MTHFD2L: variants seen among roughly 807,000 people sequenced by gnomAD.
MTHFD2L encodes the protein bifunctional methylenetetrahydrofolate dehydrogenase/cyclohydrolase 2, mitochondrial.
A neutral mutation model predicts 34.9 loss-of-function variants in MTHFD2L; 29 were observed. That is an observed-to-expected ratio of 0.83 (90% CI 0.62 to 1.13). The LOEUF is 1.13. Ranked by LOEUF, MTHFD2L falls within the 50% of genes most tolerant of loss-of-function variation. The pLI is 0.00. For synonymous variants in MTHFD2L, 167 were observed against 155.7 expected, an observed-to-expected ratio of 1.07 and a Z score of -0.54; for missense variants, 481 against 446.5, an observed-to-expected ratio of 1.08 and a Z score of -0.70.
chr4:74,204,107 AG>A (rs1490700036), intron 5 of MTHFD2L, among the ~76,000 whole-genome samples: 1 of 152,154 alleles, frequency 6.6e-6, no homozygotes. Flanking sequence ...GCAAGGAAAC[AG>A]GCATTCTGGG....
chr4:74,194,434 A>G (rs923729875), intron 3 of MTHFD2L: 2 of 151,772 alleles, frequency 1.3e-5, no homozygotes, highest in African/African-American at 4.8e-5. Flanking sequence ...GTTTGTTTTT[A>G]GTGACTTTCC....
At chr4:74,138,395 T>G (rs930351790) in intron 1 of MTHFD2L, among the ~76,000 whole-genome samples, 2 of 152,170 alleles carry the variant, frequency 1.3e-5, no homozygotes, top group Non-Finnish European at 2.9e-5. Flanking sequence ...CCTTTTGTCC[T>G]CTGACCTGGG....
rs556643528 is a variant in MTHFD2L at position 74,228,059 on chromosome 4, G to GA, written c.805+2673dup. On this transcript the variant is annotated intron_variant, in intron 6 of 7. Transcript: ENST00000325278. ...AAAAATAGAAATGTTCTTTTTCCCA[G>GA]AAAAAAAATCAGTAAGCTGGTACAG... is the stretch of plus-strand genomic sequence containing the variant. 9.9e-5 allele frequency among the ~76,000 whole-genome samples: 15 copies of GA among 151,920 alleles called. 1 individual carries two copies. The highest frequency in any genetic ancestry group is 1.9e-4 in the African/African-American group (8 of 41,454).
intron 7 of MTHFD2L, among the ~76,000 whole-genome samples, chr4:74,284,595 T>C (rs1432394873): frequency 1.3e-5 from 2 of 152,066 alleles, no homozygotes; most frequent in Admixed American, 1.3e-4. Flanking sequence ...CCCTTTATCA[T>C]ATAAGTAGAT....
intron 3 of MTHFD2L, among the ~76,000 whole-genome samples, chr4:74,187,312 C>T (rs1453355021): frequency 6.6e-6 from 1 of 151,980 alleles, no homozygotes; most frequent in Non-Finnish European, 1.5e-5. Context: ...TGTCAAAGAA[C>T]TGTGGGATAT....
At position 74,288,304 on chromosome 4, in the gene MTHFD2L, A is replaced by G. The variant is rs138799101; in HGVS notation, c.931+6754A>G. ...CTCATTTATGTTCTCTTCTAAGGAA[A>G]AGTGAAAGAGAGAGCCCAGAACAAT... On this transcript the variant is annotated intron_variant, in intron 7 of 7. Transcript: ENST00000325278. 7 of 152,274 alleles carry G rather than the reference A, an allele frequency of 4.6e-5. No individual in the cohort carries two copies. In the East Asian group the frequency reaches 1.4e-3, roughly 29 times the overall value. 9.4% of individuals were successfully genotyped at this position (152,274 alleles called of 1,614,324 possible). A position where few individuals can be genotyped will look rare whatever the true frequency, so the allele number is the denominator to read the frequency against.
intron 6 of MTHFD2L, among the ~76,000 whole-genome samples, chr4:74,257,688 A>G (rs1744199405): frequency 1.3e-5 from 2 of 152,208 alleles, no homozygotes; most frequent in Non-Finnish European, 2.9e-5. Context: ...TGGTTTGGGC[A>G]TTAGTTTTTG....
At chr4:74,230,460 G>C (rs1016561808) in intron 6 of MTHFD2L, among the ~76,000 whole-genome samples, 10 of 151,474 alleles carry the variant, frequency 6.6e-5, no homozygotes, top group African/African-American at 2.4e-4. Context: ...TGTGGTGGTG[G>C]GTGCCTGTAA....
intron 1 of MTHFD2L, 156 bp downstream of exon 1, chr4:74,158,437 G>A (rs1172473284): frequency 4.4e-6 from 2 of 454,940 alleles, no homozygotes; most frequent in Non-Finnish European, 5.9e-6. Context: ...TGGCCTTGCC[G>A]GTCGCGCGGG....
intron 1 of MTHFD2L, among the ~76,000 whole-genome samples, chr4:74,163,845 C>T (rs972280739): frequency 1.3e-5 from 2 of 152,160 alleles, no homozygotes; most frequent in African/African-American, 4.8e-5. Flanking sequence ...GTTAATCATT[C>T]TATTAGGATT....
intron 6 of MTHFD2L, among the ~76,000 whole-genome samples, chr4:74,247,892 T>C (rs1348595290): frequency 5.9e-5 from 9 of 152,214 alleles, no homozygotes; most frequent in Non-Finnish European, 1.2e-4. Flanking sequence ...CAGTATTTTA[T>C]TGAGAATTTT....
intron 1 of MTHFD2L, among the ~76,000 whole-genome samples, chr4:74,169,847 GTTTTA>G (rs1178466561): frequency 6.6e-6 from 1 of 152,044 alleles, no homozygotes; most frequent in African/African-American, 2.4e-5. Flanking sequence ...AACCTCAAAA[GTTTTA>G]TTTTATTTTA....
chr4:74,220,096 T>TA (rs1056108871), intron 5 of MTHFD2L, among the ~76,000 whole-genome samples: 7 of 151,548 alleles, frequency 4.6e-5, no homozygotes, highest in African/African-American at 1.7e-4. Flanking sequence ...GTTTTGATTT[T>TA]TTTTTTTGGT....
upstream of MTHFD2L, chr4:74,158,115 T>A: frequency 1.3e-6 from 2 of 1,529,908 alleles, no homozygotes; most frequent in Middle Eastern, 1.7e-4. Context: ...GGAGCCCCAG[T>A]CCGGAAGCCG....
intron 5 of MTHFD2L, among the ~76,000 whole-genome samples, chr4:74,222,665 G>A (rs77286022): frequency 0.012 from 1,765 of 152,102 alleles, 40 homozygotes; most frequent in African/African-American, 0.04. Flanking sequence ...AAAACTTTTA[G>A]CAGTCCTTTT....
intron 7 of MTHFD2L, among the ~76,000 whole-genome samples, chr4:74,293,837 G>A (rs947729276): frequency 6.6e-6 from 1 of 152,132 alleles, no homozygotes; most frequent in Non-Finnish European, 1.5e-5. Context: ...CATTAGAGTG[G>A]ATGTTTGAGA....
chr4:74,137,984 G>A (rs960562249), intron 1 of MTHFD2L, among the ~76,000 whole-genome samples: 1 of 150,880 alleles, frequency 6.6e-6, no homozygotes, highest in Non-Finnish European at 1.5e-5. Flanking sequence ...AGAGAGGGGG[G>A]AAAAATAATA....
intron 3 of MTHFD2L, among the ~76,000 whole-genome samples, chr4:74,193,777 G>C (rs559081400): frequency 6.6e-6 from 1 of 151,998 alleles, no homozygotes; most frequent in African/African-American, 2.4e-5. Context: ...TTGTAATCTT[G>C]CTTAATTCAC....
At chr4:74,173,633 G>A (rs149803084) in intron 1 of MTHFD2L, among the ~76,000 whole-genome samples, 7 of 152,096 alleles carry the variant, frequency 4.6e-5, no homozygotes, top group Non-Finnish European at 5.9e-5. Context: ...AACTGATTTC[G>A]CCTTAGGGTC....
Sources: gnomAD v4.1 joint callset for allele counts (sites outside exome capture counted in the v4.1 genomes callset) on GRCh38, gnomAD v4.1.1 for gene constraint, MANE v1.5 for transcripts, NCBI Gene and HGNC (gene_info 2026-07-23, HGNC 2026-07-21) for gene names.